Variants in RDH12 observed in about 807,000 individuals in gnomAD.
The protein encoded by RDH12 is all-trans and 9-cis retinol dehydrogenase.
In RDH12, 21 loss-of-function variants were observed where a neutral mutation model predicts 34.0. That is an observed-to-expected ratio of 0.62 (90% CI 0.44 to 0.89). The LOEUF (loss-of-function observed/expected upper bound fraction) is 0.89. RDH12 is among the 40% of genes least tolerant of loss of function. RDH12 has a pLI of 0.00. For synonymous variants in RDH12, 198 were observed against 169.9 expected (o/e 1.17, Z -1.29); for missense variants, 394 against 398.6 (o/e 0.99, Z 0.10).
intron 1 of RDH12, among the ~76,000 whole-genome samples, chr14:67,708,794 CTT>C (rs377047632): frequency 0.13 from 18,111 of 136,612 alleles, 999 homozygotes; most frequent in East Asian, 0.21. Flanking sequence ...TTAATAATAC[CTT>C]TTTTTTTTTT....
intron 8 of RDH12, among the ~76,000 whole-genome samples, chr14:67,731,630 GTAAT>G (rs1376869065): frequency 2.0e-5 from 3 of 151,818 alleles, no homozygotes; most frequent in Non-Finnish European, 2.9e-5. Context: ...AATATAATAT[GTAAT>G]TAATATAAAA....
intron 8 of RDH12, among the ~76,000 whole-genome samples, chr14:67,731,137 T>C (rs1487226328): frequency 1.3e-5 from 2 of 151,940 alleles, no homozygotes; most frequent in Admixed American, 6.6e-5. Context: ...ACATTTTAAA[T>C]GTAGCTGCTA....
rs1390285104 is a variant in RDH12, at chr14:67,727,196, T to C, written c.658+6T>C. The C allele has an allele frequency of 1.9e-6, 3 of 1,608,750 alleles. No homozygotes were observed. Among genetic ancestry groups the C allele is most frequent in the Non-Finnish European group, 2.5e-6 (3 of 1,177,660 alleles). On this transcript the variant is annotated splice_donor_region_variant and intron_variant, in intron 7 of 8. Coordinates refer to ENST00000551171, the MANE Select transcript of RDH12 (RefSeq NM_152443.3). ...GCTGGCCAAGAGGCTCCAAGGTAAG[T>C]CTGGAGAAAGAGGAATAGCAAAAAT...
chr14:67,707,693 CTG>C (rs2037965550), intron 1 of RDH12, among the ~76,000 whole-genome samples: 2 of 152,184 alleles, frequency 1.3e-5, no homozygotes, highest in Non-Finnish European at 2.9e-5. Flanking sequence ...TTTGATGAAA[CTG>C]TGTTCTGTAG....
chr14:67,724,720 G>T (rs1190930714), intron 4 of RDH12, 129 bp downstream of exon 4: 3 of 763,406 alleles, frequency 3.9e-6, no homozygotes, highest in Non-Finnish European at 6.9e-6. Context: ...AAGGAACCTG[G>T]GATTCAAGTC....
In RDH12 at chr14:67,722,459, C is replaced by G; in HGVS notation, c.-184C>G. On this transcript the variant is annotated 5_prime_UTR_variant, in exon 3 of 9. Transcript: ENST00000551171. ...CCCAGCAGGCTGTGCTCTGACAGCT[C>G]TTGGATTTAAATAGGATTCTGGGCT... 1 of 693,864 alleles carries G rather than the reference C, an allele frequency of 1.4e-6. No individual in the cohort carries two copies. Among genetic ancestry groups the G allele is most frequent in the Admixed American group, 2.1e-5 (1 of 47,792 alleles). 43.0% of individuals were successfully genotyped at this position (693,864 alleles called of 1,614,324 possible).
chr14:67,717,767 C>T (rs1475757594), intron 1 of RDH12: 1 of 152,244 alleles, frequency 6.6e-6, no homozygotes, highest in Non-Finnish European at 1.5e-5. Flanking sequence ...AATTATAAGG[C>T]TCAAAATGTC....
At chr14:67,708,985 G>A (rs2037981513) in intron 1 of RDH12, among the ~76,000 whole-genome samples, 2 of 152,018 alleles carry the variant, frequency 1.3e-5, no homozygotes, top group South Asian at 4.2e-4. Flanking sequence ...TAAAGATGGG[G>A]TTTCACCACG....
At chr14:67,723,237 T>C (rs1190354128) in intron 3 of RDH12, among the ~76,000 whole-genome samples, 1 of 152,164 alleles carries the variant, frequency 6.6e-6, no homozygotes, top group African/African-American at 2.4e-5. Context: ...GAGTGGAGAA[T>C]TTTTAAATTT....
chr14:67,721,895 G>A (rs779591843), intron 2 of RDH12, among the ~76,000 whole-genome samples: 23 of 152,098 alleles, frequency 1.5e-4, no homozygotes, highest in Middle Eastern at 3.4e-3. Flanking sequence ...TAGATTCAGC[G>A]CTAGAGTCCA....
Position 67,722,599 on chromosome 14 carries a change from C to G in RDH12, c.-44C>G. ...ACCTGAGCCAGAGCTGGGGTTGAAG[C>G]TGGAGCAGCAGCAAAAGCAACAGCA... On this transcript the variant is annotated 5_prime_UTR_variant, in exon 3 of 9. Transcript: ENST00000551171. 6.4e-7 allele frequency: 1 copy of G among 1,563,950 alleles called. No homozygotes were observed. Among genetic ancestry groups the G allele is most frequent in the Non-Finnish European group, 8.8e-7 (1 of 1,134,250 alleles).
rs374118725 is a variant in RDH12 at position 67,730,257 on chromosome 14, C to T, written c.848+877C>T. Among the ~76,000 whole-genome samples, 7 of 152,260 alleles carry T rather than the reference C, an allele frequency of 4.6e-5. No individual in the cohort carries two copies. In the East Asian group the frequency reaches 1.3e-3, roughly 29 times the overall value. On this transcript the variant is annotated intron_variant, in intron 8 of 8. Transcript: ENST00000551171. ...TTATAAGTGGTAGATCTGGGATTTA[C>T]GCCCTGGCAATCTGGCTCTAGAGCT...
At chr14:67,719,493 G>C (rs2038100821) in intron 1 of RDH12, among the ~76,000 whole-genome samples, 1 of 151,826 alleles carries the variant, frequency 6.6e-6, no homozygotes, top group East Asian at 1.9e-4. Context: ...CTTTTTTTTA[G>C]AGACAGGGTC....
At chr14:67,708,853 T>A (rs1310745893) in intron 1 of RDH12, among the ~76,000 whole-genome samples, 1 of 148,664 alleles carries the variant, frequency 6.7e-6, no homozygotes, top group African/African-American at 2.5e-5. Flanking sequence ...AGTGCAGTGG[T>A]GCAATCTTGG....
chr14:67,709,344 G>GC (rs2140112636), intron 1 of RDH12, among the ~76,000 whole-genome samples: 1 of 152,236 alleles, frequency 6.6e-6, no homozygotes, highest in South Asian at 2.1e-4. Context: ...ACAGCATGAA[G>GC]CCAATTAAAT....
chr14:67,711,330 T>C (rs918730698), intron 1 of RDH12, among the ~76,000 whole-genome samples: 4 of 152,234 alleles, frequency 2.6e-5, no homozygotes, highest in African/African-American at 9.6e-5. Flanking sequence ...GTAATAAGTA[T>C]GAAATTGCTT....
At chr14:67,729,494 T>A (rs1594867727) in intron 8 of RDH12, 114 bp downstream of exon 8, 1 of 1,069,536 alleles carries the variant, frequency 9.3e-7, no homozygotes, top group East Asian at 2.4e-5. Context: ...AATCCAGGTT[T>A]GGGTTGGGCC....
chr14:67,704,552 G>A (rs12147055), intron 1 of RDH12, among the ~76,000 whole-genome samples: 19,229 of 152,150 alleles, frequency 0.13, 1,484 homozygotes, highest in South Asian at 0.34. Flanking sequence ...GCACTTGCAA[G>A]TGGAAGGATG....
At chr14:67,713,389 T>TA (rs1015347678) in intron 1 of RDH12, among the ~76,000 whole-genome samples, 5 of 16,832 alleles carry the variant, frequency 3.0e-4, no homozygotes, top group African/African-American at 1.9e-3. Context: ...TGAAAGCAAG[T>TA]AAAACTCCAA....
Sources: gnomAD v4.1 joint callset for allele counts (sites outside exome capture counted in the v4.1 genomes callset) on GRCh38, gnomAD v4.1.1 for gene constraint, MANE v1.5 for transcripts, NCBI Gene and HGNC (gene_info 2026-07-23, HGNC 2026-07-21) for gene names.